Variants in VEZT observed in about 807,000 individuals in gnomAD.
VEZT encodes vezatin, adherens junctions transmembrane protein.
In VEZT, 39 loss-of-function variants were observed where a neutral mutation model predicts 79.9. That is an observed-to-expected ratio of 0.49 (90% CI 0.38 to 0.64). VEZT has a LOEUF of 0.64. Ranked by LOEUF, VEZT falls within the 30% of genes least tolerant of loss-of-function variation. The probability of loss-of-function intolerance (pLI) is 0.00; values close to 1 mark genes in which losing one functional copy is unlikely to be tolerated. For synonymous variants in VEZT, 325 were observed against 327.6 expected (o/e 0.99, Z 0.09); for missense variants, 837 against 893.1 (o/e 0.94, Z 0.80).
At chr12:95,286,445 A>G in intron 8 of VEZT, 2 of 546,656 alleles carry the variant, frequency 3.7e-6, no homozygotes, top group South Asian at 1.4e-5. Context: ...AGCAACATCA[A>G]TTCTTCACTG....
intron 2 of VEZT, among the ~76,000 whole-genome samples, chr12:95,253,897 G>A (rs1284395756): frequency 6.6e-6 from 1 of 152,050 alleles, no homozygotes; most frequent in African/African-American, 2.4e-5. Flanking sequence ...CCCAAGTGTT[G>A]GAGACCAGCT....
rs1727149061 is a variant in VEZT, at chr12:95,280,188, G to C, written c.997-2125G>C. 2.6e-5 allele frequency among the ~76,000 whole-genome samples: 4 copies of C among 152,124 alleles called. No homozygotes were observed. The South Asian group carries it at 6.2e-4, about 24-fold the overall frequency. On this transcript the variant is annotated intron_variant, in intron 7 of 11. Coordinates refer to ENST00000436874, the MANE Select transcript of VEZT (RefSeq NM_017599.4). ...CAGCAGACAGTATGGGCCTGTTAACGCATAAATCAGATTATGTCATGCTTC... is the reference window on the plus strand; with the variant it reads ...CAGCAGACAGTATGGGCCTGTTAACCCATAAATCAGATTATGTCATGCTTC...
intron 1 of VEZT, among the ~76,000 whole-genome samples, chr12:95,239,075 A>G (rs2060547796): frequency 6.6e-6 from 1 of 152,222 alleles, no homozygotes; most frequent in Admixed American, 6.5e-5. Flanking sequence ...GTGGATACTA[A>G]ATTTTGGGGG....
chr12:95,287,566 G>T lies in VEZT; in HGVS notation c.1329-98G>T, dbSNP rs1429610999. On this transcript the variant is annotated intron_variant, in intron 8 of 11. Coordinates refer to ENST00000436874, the MANE Select transcript of VEZT (RefSeq NM_017599.4). ...CATTCACCTGCCTTGGCCTCCCAAA[G>T]TGCTGAGATTTAAGCTTATTTTAAA... 5.8e-6 allele frequency: 7 copies of T among 1,201,774 alleles called. No individual in the cohort carries two copies. The Admixed American group carries it at 2.1e-4, about 37-fold the overall frequency. 74.4% of individuals were successfully genotyped at this position (1,201,774 alleles called of 1,614,324 possible). A position where few individuals can be genotyped will look rare whatever the true frequency, so the allele number is the denominator to read the frequency against.
chr12:95,233,271 A>T (rs2059530038), intron 1 of VEZT, among the ~76,000 whole-genome samples: 2 of 152,010 alleles, frequency 1.3e-5, no homozygotes, highest in African/African-American at 4.8e-5. Context: ...ATTGTAAAAC[A>T]TTCACATAAT....
chr12:95,236,588 T>G (rs932058325), intron 1 of VEZT, among the ~76,000 whole-genome samples: 1 of 151,878 alleles, frequency 6.6e-6, no homozygotes, highest in African/African-American at 2.4e-5. Flanking sequence ...TTTTTTTTTT[T>G]TTCTGAGAGG....
At chr12:95,218,915 G>C (rs1041796066) in intron 1 of VEZT, among the ~76,000 whole-genome samples, 1 of 152,222 alleles carries the variant, frequency 6.6e-6, no homozygotes, top group Non-Finnish European at 1.5e-5. Context: ...CCAAGCTTGG[G>C]AAGTGTGAAA....
At chr12:95,278,867 G>A (rs942040688) in intron 7 of VEZT, among the ~76,000 whole-genome samples, 27 of 152,288 alleles carry the variant, frequency 1.8e-4, no homozygotes, top group Admixed American at 5.9e-4. Context: ...TTGGGAGTTT[G>A]CAACCAGCCT....
intron 1 of VEZT, among the ~76,000 whole-genome samples, chr12:95,234,284 C>CTTTT (rs10587022): frequency 8.1e-6 from 1 of 122,950 alleles, no homozygotes; most frequent in Non-Finnish European, 1.7e-5. Context: ...TATCAATAAT[C>CTTTT]TTTTTTTTTT....
chr12:95,271,595 C>T (rs1368134395), intron 6 of VEZT, among the ~76,000 whole-genome samples: 1 of 152,166 alleles, frequency 6.6e-6, no homozygotes, highest in African/African-American at 2.4e-5. Context: ...AGAGATATGA[C>T]AGTGTGGCAT....
In VEZT at chr12:95,274,757, T is replaced by C. The variant is rs886591064; in HGVS notation, c.864T>C (p.Ser288=). 3.1e-6 allele frequency: 5 copies of C among 1,612,622 alleles called. No individual in the cohort carries two copies. In the African/African-American group the frequency reaches 6.7e-5, roughly 22 times the overall value. The change falls in exon 7 of 12, where the codon TCT becomes TCC. Residue 288 remains serine (S), a synonymous_variant. Transcript: ENST00000436874. The part of the protein sequence containing the change: ...LYMLKNYPLN[S]ESDNVTNYIC... ...CTAATTTAACCTACCCCCTGAACTC[T>C]GAGAGTGACAATGTAACCAACTACA...
intron 4 of VEZT, among the ~76,000 whole-genome samples, chr12:95,266,107 C>A (rs981035926): frequency 1.3e-5 from 2 of 152,070 alleles, no homozygotes; most frequent in African/African-American, 4.8e-5. Context: ...CAGAAGATAC[C>A]TGTTTTCTTA....
intron 3 of VEZT, among the ~76,000 whole-genome samples, chr12:95,258,890 A>C (rs899043032): frequency 6.6e-6 from 1 of 152,172 alleles, no homozygotes; most frequent in African/African-American, 2.4e-5. Context: ...AAGAAATCAA[A>C]ATCTCTTAAT....
intron 1 of VEZT, among the ~76,000 whole-genome samples, chr12:95,234,375 C>T (rs910167710): frequency 2.1e-4 from 32 of 151,826 alleles, no homozygotes; most frequent in African/African-American, 6.5e-4. Flanking sequence ...GCAACCTCCC[C>T]GCCGGCCGGG....
intron 2 of VEZT, among the ~76,000 whole-genome samples, chr12:95,254,600 G>T (rs1487641596): frequency 6.6e-6 from 1 of 151,896 alleles, no homozygotes; most frequent in Non-Finnish European, 1.5e-5. Flanking sequence ...GCCTACCTTG[G>T]CCTAAACTGC....
At chr12:95,283,698 C>T (rs1478392474) in intron 8 of VEZT, among the ~76,000 whole-genome samples, 1 of 152,106 alleles carries the variant, frequency 6.6e-6, no homozygotes, top group Non-Finnish European at 1.5e-5. Flanking sequence ...CAGTTCAAGG[C>T]CTGAGTTGGG....
intron 1 of VEZT, chr12:95,224,317 A>G (rs866390028): frequency 1.6e-4 from 62 of 388,956 alleles, no homozygotes; most frequent in African/African-American, 1.5e-3. Context: ...TAAAGCCACA[A>G]CTTTTTTTTT....
At chr12:95,243,299 T>C (rs2061288876) in intron 1 of VEZT, among the ~76,000 whole-genome samples, 1 of 150,068 alleles carries the variant, frequency 6.7e-6, no homozygotes, top group Non-Finnish European at 1.5e-5. Context: ...CACTTGGAGG[T>C]TGCCGTGAGC....
intron 8 of VEZT, among the ~76,000 whole-genome samples, chr12:95,282,945 A>G (rs1389162804): frequency 6.6e-6 from 1 of 152,242 alleles, no homozygotes; most frequent in Non-Finnish European, 1.5e-5. Flanking sequence ...ATGGTTATAA[A>G]GAATGAGTTT....
Sources: gnomAD v4.1 joint callset for allele counts (sites outside exome capture counted in the v4.1 genomes callset) on GRCh38, gnomAD v4.1.1 for gene constraint, MANE v1.5 for transcripts, NCBI Gene and HGNC (gene_info 2026-07-23, HGNC 2026-07-21) for gene names.